MAGI2: variants seen among roughly 807,000 people sequenced by gnomAD.
The protein encoded by MAGI2 is membrane-associated guanylate kinase, WW and PDZ domain-containing protein 2.
MAGI2 carries 35 observed loss-of-function variants against 133.3 expected under a neutral mutation model. The observed-to-expected ratio is 0.26, with a 90% confidence interval of 0.20 to 0.35. The LOEUF is 0.35. MAGI2 is among the 10% of genes least tolerant of loss of function. The pLI is 1.00. For missense variants in MAGI2, 1,636 were observed against 1,863.4 expected (o/e 0.88, Z 2.25); for synonymous variants, 729 against 710.6 (o/e 1.03, Z -0.41).
chr7:78,698,282 AG>A lies in MAGI2; in HGVS notation c.419-71044del, dbSNP rs201772000. ...CTAATCTGAAAATTCGAAATCCAAA[AG>A]GTTCCAAAATCTGAAAAATTTCAAG... On this transcript the variant is annotated intron_variant, in intron 2 of 21. Transcript: ENST00000354212. Among the ~76,000 whole-genome samples the A allele has an allele frequency of 8.1e-3, 1,223 of 151,574 alleles. 17 individuals are homozygous for A. Among genetic ancestry groups the A allele is most frequent in the African/African-American group, 0.028 (1,159 of 40,870 alleles).
At chr7:79,234,575 G>T (rs1462256613) in intron 1 of MAGI2, among the ~76,000 whole-genome samples, 1 of 151,976 alleles carries the variant, frequency 6.6e-6, no homozygotes, top group Non-Finnish European at 1.5e-5. Flanking sequence ...CTTTCTTCCA[G>T]TTGATCGCAT....
chr7:79,267,236 T>C (rs569009574), intron 1 of MAGI2, among the ~76,000 whole-genome samples: 1 of 152,324 alleles, frequency 6.6e-6, no homozygotes, highest in East Asian at 1.9e-4. Flanking sequence ...ATAAATGCCC[T>C]TTCTCCTGCT....
chr7:78,876,045 G>A (rs1413550640), intron 2 of MAGI2, among the ~76,000 whole-genome samples: 3 of 152,070 alleles, frequency 2.0e-5, no homozygotes, highest in African/African-American at 7.2e-5. Context: ...GGGACATGCC[G>A]GGGGCAGTGG....
chr7:78,670,289 G>A (rs1015674791), intron 2 of MAGI2, among the ~76,000 whole-genome samples: 1 of 152,138 alleles, frequency 6.6e-6, no homozygotes, highest in African/African-American at 2.4e-5. Flanking sequence ...CAGACAAACA[G>A]AGAGCAAATC....
At chr7:78,035,931 T>C (rs1427640801) in intron 21 of MAGI2, among the ~76,000 whole-genome samples, 8 of 152,214 alleles carry the variant, frequency 5.3e-5, no homozygotes, top group Admixed American at 5.2e-4. Context: ...AGTAAATTTG[T>C]GTTAAATTTA....
At chr7:78,620,353 A>G (rs941232195) in intron 3 of MAGI2, among the ~76,000 whole-genome samples, 5 of 152,056 alleles carry the variant, frequency 3.3e-5, no homozygotes, top group Admixed American at 6.6e-5. Context: ...ATGCTAAAAT[A>G]AAAGCTGATT....
At chr7:79,238,905 G>A (rs1380685940) in intron 1 of MAGI2, among the ~76,000 whole-genome samples, 1 of 152,062 alleles carries the variant, frequency 6.6e-6, no homozygotes, top group Non-Finnish European at 1.5e-5. Context: ...TTTTCAAACT[G>A]GGTCTGATAA....
At chr7:79,373,192 G>A (rs1843163673) in intron 1 of MAGI2, among the ~76,000 whole-genome samples, 1 of 151,716 alleles carries the variant, frequency 6.6e-6, no homozygotes, top group Admixed American at 6.6e-5. Flanking sequence ...TTAATAAGTG[G>A]TACTAATATT....
At chr7:78,046,233 TAA>T (rs59275049) in intron 21 of MAGI2, among the ~76,000 whole-genome samples, 43 of 117,682 alleles carry the variant, frequency 3.7e-4, no homozygotes, top group South Asian at 5.6e-4. Context: ...CTGTCTCTAC[TAA>T]AAAAAAAAAA....
At chr7:78,189,812 C>T (rs1828038959) in intron 12 of MAGI2, among the ~76,000 whole-genome samples, 1 of 152,164 alleles carries the variant, frequency 6.6e-6, no homozygotes, top group Admixed American at 6.5e-5. Flanking sequence ...ATAAGACAAG[C>T]CCTTAGAGTA....
chr7:78,901,523 G>C (rs1212170771), intron 2 of MAGI2: 1 of 152,128 alleles, frequency 6.6e-6, no homozygotes. Flanking sequence ...GGAAGTGGTA[G>C]AACAACAACA....
At chr7:79,431,304 A>G (rs1847762982) in intron 1 of MAGI2, among the ~76,000 whole-genome samples, 1 of 152,236 alleles carries the variant, frequency 6.6e-6, no homozygotes, top group African/African-American at 2.4e-5. Context: ...GATTTATATC[A>G]ACCATAGCAG....
intron 6 of MAGI2, among the ~76,000 whole-genome samples, chr7:78,453,154 T>A (rs1584202218): frequency 6.6e-6 from 1 of 152,158 alleles, no homozygotes; most frequent in Non-Finnish European, 1.5e-5. Context: ...CATCCAGACC[T>A]AAATCTGCCA....
chr7:78,923,806 T>C (rs1259453621), intron 2 of MAGI2, among the ~76,000 whole-genome samples: 2 of 152,180 alleles, frequency 1.3e-5, no homozygotes, highest in East Asian at 3.9e-4. Context: ...TTTCACGATA[T>C]TGATTCTTCC....
chr7:78,286,655 G>A (rs1796171553), intron 9 of MAGI2, among the ~76,000 whole-genome samples: 1 of 152,036 alleles, frequency 6.6e-6, no homozygotes, highest in African/African-American at 2.4e-5. Context: ...GGGCTGTGGG[G>A]GCATGTCTGG....
intron 9 of MAGI2, among the ~76,000 whole-genome samples, chr7:78,280,790 T>A (rs573250029): frequency 7.8e-6 from 1 of 128,528 alleles, no homozygotes; most frequent in South Asian, 2.5e-4. Context: ...GAATGTCAAG[T>A]CCCTCCCCCG....
chr7:78,569,113 T>C (rs62468648), intron 3 of MAGI2, among the ~76,000 whole-genome samples: 15,705 of 143,024 alleles, frequency 0.11, 1,040 homozygotes, highest in Non-Finnish European at 0.16. Context: ...CCCTGCCACA[T>C]ATGTGCATGC....
chr7:78,816,711 A>G (rs375088294), intron 2 of MAGI2, among the ~76,000 whole-genome samples: 1 of 152,156 alleles, frequency 6.6e-6, no homozygotes, highest in African/African-American at 2.4e-5. Flanking sequence ...TTTTAAGCCC[A>G]CTGTTGAGAA....
intron 6 of MAGI2, among the ~76,000 whole-genome samples, chr7:78,437,526 G>A (rs532140071): frequency 6.6e-6 from 1 of 152,262 alleles, no homozygotes; most frequent in East Asian, 1.9e-4. Flanking sequence ...AATGGGCCTT[G>A]GTATTTCATT....
Sources: gnomAD v4.1 joint callset for allele counts (sites outside exome capture counted in the v4.1 genomes callset) on GRCh38, gnomAD v4.1.1 for gene constraint, MANE v1.5 for transcripts, NCBI Gene and HGNC (gene_info 2026-07-23, HGNC 2026-07-21) for gene names.